CLIC5: variants seen among roughly 807,000 people sequenced by gnomAD.
The protein encoded by CLIC5 is CLIC family member 5, also known as chloride intracellular channel protein 5.
A neutral mutation model predicts 24.7 loss-of-function variants in CLIC5; 20 were observed. The ratio of observed to expected loss-of-function variants is 0.81; its 90% CI spans 0.57 to 1.18. CLIC5 has a LOEUF of 1.18. Among genes scored for constraint, CLIC5 ranks in the 50% most tolerant of loss-of-function variants. The pLI, the probability that CLIC5 is intolerant of heterozygous loss-of-function variation, is 0.00. For synonymous variants in CLIC5, 159 were observed against 135.6 expected (o/e 1.17, Z -1.20); for missense variants, 341 against 326.1 (o/e 1.05, Z -0.35).
chr6:46,074,904 T>G (rs576705723), intron 1 of CLIC5, among the ~76,000 whole-genome samples: 13 of 152,344 alleles, frequency 8.5e-5, no homozygotes, highest in African/African-American at 3.1e-4. Flanking sequence ...GACAAAGTTG[T>G]GTTAGAATTC....
At chr6:45,954,301 GA>G (rs1371457066) in intron 2 of CLIC5, among the ~76,000 whole-genome samples, 3 of 147,360 alleles carry the variant, frequency 2.0e-5, no homozygotes, top group African/African-American at 7.5e-5. Context: ...AGAAAGAAAA[GA>G]AAATAGAAGA....
At chr6:46,101,745 A>G in the CLIC5 span, among the ~76,000 whole-genome samples, 1 of 152,234 alleles carries the variant, frequency 6.6e-6, no homozygotes, top group Non-Finnish European at 1.5e-5. Context: ...TGTTGAACCT[A>G]GTGCAGGGGC....
intron 4 of CLIC5, among the ~76,000 whole-genome samples, chr6:45,940,635 C>A (rs188008941): frequency 3.9e-5 from 6 of 152,166 alleles, no homozygotes; most frequent in Admixed American, 3.9e-4. Flanking sequence ...ATTCATGGAG[C>A]ACTTAAGTTG....
the CLIC5 span, among the ~76,000 whole-genome samples, chr6:46,118,338 A>G: frequency 6.6e-6 from 1 of 152,194 alleles, no homozygotes; most frequent in Non-Finnish European, 1.5e-5. Flanking sequence ...GGGCTCCTAC[A>G]TGGTAATATT....
In CLIC5 at chr6:45,891,666, A is replaced by C. The variant is rs376298916; in HGVS notation, c.624-10478T>G. 6.6e-5 allele frequency among the ~76,000 whole-genome samples: 10 copies of C among 151,268 alleles called. No individual in the cohort carries two copies. The South Asian group carries it at 1.9e-3, about 29-fold the overall frequency. ...AAAAAAAAGAATGTGTATGTGCCAT[A>C]TGATGCATGTGTAAGTGTGTATATG... On this transcript the variant is annotated intron_variant, in intron 6 of 6. Transcript: ENST00000644324.
chr6:46,109,721 A>C, the CLIC5 span, among the ~76,000 whole-genome samples: 161 of 152,194 alleles, frequency 1.1e-3, no homozygotes, highest in Admixed American at 8.5e-3. Flanking sequence ...AGCTATTTGT[A>C]GCTTACAACA....
intron 5 of CLIC5, chr6:45,912,469 G>C: frequency 7.9e-7 from 1 of 1,260,636 alleles, no homozygotes; most frequent in South Asian, 1.8e-5. Context: ...TGGTTTTTGA[G>C]TGGTAGTGAA....
In CLIC5 at chr6:45,944,413, C is replaced by G. The variant is rs188726188; in HGVS notation, c.300-2760G>C. On this transcript the variant is annotated intron_variant, in intron 3 of 5. Transcript: ENST00000339561. ...CACAAAGCCAAAAATACATGACTATCTGACCTTTTACAGATAAAGCTGCTA... is the reference window on the plus strand; with the variant it reads ...CACAAAGCCAAAAATACATGACTATGTGACCTTTTACAGATAAAGCTGCTA... Among the ~76,000 whole-genome samples the G allele has an allele frequency of 1.7e-3, 260 of 152,146 alleles. 1 individual carries two copies. Among genetic ancestry groups the G allele is most frequent in the African/African-American group, 6.0e-3 (248 of 41,494 alleles).
At chr6:45,920,629 TAAG>T in intron 4 of CLIC5, 2 of 929,718 alleles carry the variant, frequency 2.2e-6, no homozygotes, top group Non-Finnish European at 2.6e-6. Flanking sequence ...AAAATAATAA[TAAG>T]AAGAATATCA....
At chr6:45,946,578 C>A (rs941375500) in intron 3 of CLIC5, among the ~76,000 whole-genome samples, 1 of 152,300 alleles carries the variant, frequency 6.6e-6, no homozygotes, top group South Asian at 2.1e-4. Flanking sequence ...TTTTGCTGCC[C>A]CCTAGAGAAC....
At chr6:45,880,931 G>A (rs1029510690), downstream of CLIC5, 6 of 388,770 alleles carry the variant, frequency 1.5e-5, no homozygotes, top group African/African-American at 1.2e-4. Flanking sequence ...TCAAGAGCTA[G>A]ACATGAACTG....
chr6:45,941,279 G>C lies in CLIC5; in HGVS notation c.406+268C>G, dbSNP rs1400777313. On this transcript the variant is annotated intron_variant, in intron 4 of 5. Coordinates refer to ENST00000339561, the MANE Select transcript of CLIC5 (RefSeq NM_016929.5). ...TATGCTGTGCAATAAGGCAGGCTCA[G>C]ATGACAAAGAGCATCCCTCTCTCCA... is the stretch of plus-strand genomic sequence containing the variant. Among the ~76,000 whole-genome samples the C allele has an allele frequency of 4.6e-5, 7 of 152,342 alleles. No individual in the cohort carries two copies. In the East Asian group the frequency reaches 1.3e-3, roughly 29 times the overall value.
intron 1 of CLIC5, among the ~76,000 whole-genome samples, chr6:46,004,324 T>A (rs1193968100): frequency 1.3e-5 from 2 of 152,178 alleles, no homozygotes; most frequent in South Asian, 2.1e-4. Context: ...CACAGTTAGA[T>A]GACACTTCCC....
At chr6:46,109,513 T>TAAAAAAAAAAAAAAAAAA in the CLIC5 span, among the ~76,000 whole-genome samples, 1 of 47,166 alleles carries the variant, frequency 2.1e-5, no homozygotes, top group African/African-American at 1.0e-4. Context: ...CAGTCTCCAC[T>TAAAAAAAAAAAAAAAAAA]AAAAAAAAAA....
intron 1 of CLIC5, among the ~76,000 whole-genome samples, chr6:46,062,603 T>C (rs921863153): frequency 6.6e-5 from 10 of 152,198 alleles, no homozygotes; most frequent in Non-Finnish European, 1.5e-4. Flanking sequence ...CTAACCTTTG[T>C]CCTCACAAGA....
intron 1 of CLIC5, among the ~76,000 whole-genome samples, chr6:46,068,040 G>A (rs2127473314): frequency 6.6e-6 from 1 of 152,276 alleles, no homozygotes; most frequent in African/African-American, 2.4e-5. Flanking sequence ...AATCCCAAGT[G>A]TTTATCAGAG....
chr6:45,974,582 G>A (rs1449283863), intron 1 of CLIC5, among the ~76,000 whole-genome samples: 1 of 146,334 alleles, frequency 6.8e-6, no homozygotes, highest in Non-Finnish European at 1.5e-5. Flanking sequence ...GAGAGAGAGG[G>A]CATGCCATAG....
chr6:46,110,246 G>A, the CLIC5 span, among the ~76,000 whole-genome samples: 8 of 152,090 alleles, frequency 5.3e-5, 1 homozygote, highest in African/African-American at 1.4e-4. Flanking sequence ...AATAAATAGC[G>A]TGGGCTCCCA....
At chr6:46,109,513 T>TAAAAAAAAA in the CLIC5 span, among the ~76,000 whole-genome samples, 5 of 47,182 alleles carry the variant, frequency 1.1e-4, 1 homozygote, top group African/African-American at 5.0e-4. Flanking sequence ...CAGTCTCCAC[T>TAAAAAAAAA]AAAAAAAAAA....
Sources: allele counts gnomAD v4.1 joint callset (sites outside exome capture counted in the v4.1 genomes callset), GRCh38; gene constraint gnomAD v4.1.1; transcripts MANE v1.5; gene names NCBI Gene and HGNC (gene_info 2026-07-23, HGNC 2026-07-21).